TIAM1: variants seen among roughly 807,000 people sequenced by gnomAD.
TIAM1 encodes TIAM Rac1 associated GEF 1, also known as rho guanine nucleotide exchange factor TIAM1.
TIAM1 carries 65 observed loss-of-function variants against 163.5 expected under a neutral mutation model. The observed-to-expected ratio is 0.40, with a 90% confidence interval of 0.33 to 0.49. The LOEUF (loss-of-function observed/expected upper bound fraction) is 0.49. Ranked by LOEUF, TIAM1 falls within the 20% of genes least tolerant of loss-of-function variation. The pLI is 0.77. For missense variants in TIAM1, 1,789 were observed against 2,044.7 expected, an observed-to-expected ratio of 0.87 and a Z score of 2.41; for synonymous variants, 833 against 810.1, an observed-to-expected ratio of 1.03 and a Z score of -0.48.
intron 2 of TIAM1, among the ~76,000 whole-genome samples, chr21:31,442,087 A>ATATATATATATATATATATATATAT (rs1273070445): frequency 7.9e-6 from 1 of 127,210 alleles, no homozygotes; most frequent in African/African-American, 2.8e-5. Flanking sequence ...ATATATATAT[A>ATATATATATATATATATATATATAT]GAACAATAAG....
At chr21:31,288,693 A>G (rs1438694468) in intron 2 of TIAM1, among the ~76,000 whole-genome samples, 1 of 152,210 alleles carries the variant, frequency 6.6e-6, no homozygotes, top group East Asian at 1.9e-4. Flanking sequence ...GCCAATTCCA[A>G]TGCAGATTTA....
chr21:31,510,321 T>C (rs1346844855), intron 1 of TIAM1, among the ~76,000 whole-genome samples: 1 of 152,178 alleles, frequency 6.6e-6, no homozygotes, highest in Admixed American at 6.5e-5. Context: ...CCCTGGTGCC[T>C]CTATGACCAA....
intron 2 of TIAM1, among the ~76,000 whole-genome samples, chr21:31,290,813 T>A (rs1206651802): frequency 6.6e-6 from 1 of 152,144 alleles, no homozygotes; most frequent in South Asian, 2.1e-4. Context: ...ATTATCTACA[T>A]TTTAGCCTTA....
At position 31,163,127 on chromosome 21, in the gene TIAM1, T is replaced by A. The variant is rs559738569; in HGVS notation, c.2991+1835A>T. On this transcript the variant is annotated intron_variant, in intron 16 of 27. Transcript: ENST00000541036. Reference sequence around the variant, plus strand: ...AGTAAAGTAAAAATGACCTAATCATTTTGGATCCAATACTTTTTAAGTGTT... The same window carrying A: ...AGTAAAGTAAAAATGACCTAATCATATTGGATCCAATACTTTTTAAGTGTT... Among the ~76,000 whole-genome samples, 373 of 152,296 alleles carry A rather than the reference T, an allele frequency of 2.4e-3. 5 individuals are homozygous for A. Among genetic ancestry groups the A allele is most frequent in the Non-Finnish European group, 1.6e-3 (106 of 68,030 alleles).
chr21:31,493,708 A>G (rs1375265725), intron 1 of TIAM1, among the ~76,000 whole-genome samples: 1 of 152,138 alleles, frequency 6.6e-6, no homozygotes, highest in Non-Finnish European at 1.5e-5. Context: ...GACACGTCGG[A>G]GCTGTGCTTT....
At chr21:31,265,878 C>G in intron 4 of TIAM1, 132 bp downstream of exon 4, 3 of 1,276,314 alleles carry the variant, frequency 2.4e-6, no homozygotes, top group South Asian at 3.0e-5. Flanking sequence ...CAAAACAGCA[C>G]CAGCTGCAGC....
In TIAM1 at chr21:31,266,239, G is replaced by A. The variant is rs755700010; in HGVS notation, c.734C>T (p.Ala245Val). The A allele has an allele frequency of 1.3e-5, 21 of 1,614,074 alleles. No individual in the cohort carries two copies. Among genetic ancestry groups the A allele is most frequent in the Non-Finnish European group, 1.7e-5 (20 of 1,180,038 alleles). ...AAATTTGCTCCCCGGCCCCCCGTTT[G>A]CTGTCACTCCAGAGTTTTTCTGAGC... ...LYAQKNSGVTANGGPGSKFAG... is the reference protein window; with the variant it reads ...LYAQKNSGVTVNGGPGSKFAG... The change falls in exon 4 of 28, where the codon GCA (alanine) becomes GTA (valine). Residue 245 changes from alanine to valine, a missense_variant. By Grantham distance (64) the Ala-to-Val change is moderately conservative. Around this residue, in one of 5 missense-constraint regions of TIAM1, gnomAD observed 555 missense variants for 564.9 expected, o/e 0.98. Coordinates refer to ENST00000541036, the MANE Select transcript of TIAM1 (RefSeq NM_001353694.2).
chr21:31,251,702 T>G, intron 5 of TIAM1, 40 bp downstream of exon 5: 1 of 1,531,066 alleles, frequency 6.5e-7, no homozygotes, highest in East Asian at 2.3e-5. Context: ...GCACCTCTAT[T>G]GGTGCATTTG....
chr21:31,266,027 T>C lies in TIAM1; in HGVS notation c.946A>G (p.Arg316Gly). Residue 316 changes from arginine to glycine, a missense_variant, in exon 4 of 28, where the codon AGA (arginine) becomes GGA (glycine). Around this residue, in one of 5 missense-constraint regions of TIAM1, gnomAD observed 555 missense variants for 564.9 expected, o/e 0.98. Transcript: ENST00000541036. ...ISHSNSMQGRRAKTTQDVNAG... is the reference protein window; with the variant it reads ...ISHSNSMQGRGAKTTQDVNAG... ...CACTTTACCTGAGTTGTTTTAGCTC[T>C]TCTGCCTTGCATGCTGTTGCTATGG... 1 of 1,613,972 alleles carries C rather than the reference T, an allele frequency of 6.2e-7. No homozygotes were observed. The highest frequency in any genetic ancestry group is 8.5e-7 in the Non-Finnish European group (1 of 1,179,860).
At chr21:31,442,745 CAAAAAGAGGGCTCAG>C (rs2044481838) in intron 2 of TIAM1, among the ~76,000 whole-genome samples, 2 of 152,116 alleles carry the variant, frequency 1.3e-5, no homozygotes, top group African/African-American at 4.8e-5. Context: ...ACAGCCTAGT[CAAAAAGAGGGCTCAG>C]AGGAGCCTGA....
intron 1 of TIAM1, among the ~76,000 whole-genome samples, chr21:31,509,748 G>A (rs1405890955): frequency 1.3e-5 from 2 of 152,154 alleles, no homozygotes; most frequent in East Asian, 3.9e-4. Context: ...CCCTTCCCTT[G>A]CAACAAAGAC....
At chr21:31,481,657 A>C (rs746583344) in intron 1 of TIAM1, among the ~76,000 whole-genome samples, 13 of 152,156 alleles carry the variant, frequency 8.5e-5, no homozygotes, top group Non-Finnish European at 1.8e-4. Context: ...CTGTTTTATG[A>C]TCAAGGACAC....
chr21:31,134,651 C>T lies in TIAM1; in HGVS notation c.3883+1282G>A, dbSNP rs535229282. Among the ~76,000 whole-genome samples the T allele has an allele frequency of 4.5e-4, 68 of 152,270 alleles. 1 individual carries two copies. The South Asian group carries it at 0.014, about 32-fold the overall frequency. On this transcript the variant is annotated intron_variant, in intron 23 of 27. Transcript: ENST00000541036. ...TTAGCCTCCCAAGTAGCTGGGATTACAGGCACCTGCCACCACATCCAGCTA... is the reference window on the plus strand; with the variant it reads ...TTAGCCTCCCAAGTAGCTGGGATTATAGGCACCTGCCACCACATCCAGCTA...
chr21:31,196,167 A>G (rs1027837050), intron 12 of TIAM1, among the ~76,000 whole-genome samples: 4 of 152,194 alleles, frequency 2.6e-5, no homozygotes, highest in African/African-American at 9.6e-5. Context: ...GAAAAAATGT[A>G]CACATCGCTA....
intron 2 of TIAM1, among the ~76,000 whole-genome samples, chr21:31,369,153 G>A (rs1309201465): frequency 6.6e-6 from 1 of 151,302 alleles, no homozygotes; most frequent in African/African-American, 2.4e-5. Context: ...GTGAACCCGG[G>A]AGGCGGAGCT....
intron 20 of TIAM1, among the ~76,000 whole-genome samples, chr21:31,145,872 C>T (rs1464202618): frequency 6.6e-6 from 1 of 152,146 alleles, no homozygotes; most frequent in Non-Finnish European, 1.5e-5. Context: ...TTTTTTTCCT[C>T]ATCAACATTA....
At chr21:31,457,164 T>C (rs2045135721) in intron 2 of TIAM1, among the ~76,000 whole-genome samples, 1 of 152,196 alleles carries the variant, frequency 6.6e-6, no homozygotes. Flanking sequence ...ACGGGCACTT[T>C]ATGTTCAGGC....
intron 15 of TIAM1, 72 bp from the exon 16 acceptor site, chr21:31,165,137 G>A: frequency 7.2e-7 from 1 of 1,396,390 alleles, no homozygotes; most frequent in East Asian, 2.3e-5. Context: ...CCTGTGTGAG[G>A]GGGACAAGGA....
At chr21:31,513,572 C>A (rs1260884138) in intron 1 of TIAM1, among the ~76,000 whole-genome samples, 1 of 152,212 alleles carries the variant, frequency 6.6e-6, no homozygotes, top group Non-Finnish European at 1.5e-5. Context: ...TAGAATCAGA[C>A]TGTCAAAATT....
Sources: gnomAD v4.1 joint callset for allele counts (sites outside exome capture counted in the v4.1 genomes callset) on GRCh38, gnomAD v4.1.1 for gene constraint, gnomAD v4.1.1 regional missense constraint, MANE v1.5 for transcripts, NCBI Gene and HGNC (gene_info 2026-07-23, HGNC 2026-07-21) for gene names.